Variants in NRDE2 observed in about 807,000 individuals in gnomAD.
NRDE2 encodes NRDE-2, necessary for RNA interference, domain containing, also known as nuclear exosome regulator NRDE2.
A neutral mutation model predicts 124.2 loss-of-function variants in NRDE2; 76 were observed. The ratio of observed to expected loss-of-function variants is 0.61; its 90% CI spans 0.51 to 0.74. The LOEUF (loss-of-function observed/expected upper bound fraction) is 0.74. Ranked by LOEUF, NRDE2 falls within the 30% of genes least tolerant of loss-of-function variation. NRDE2 has a pLI of 0.00. For synonymous variants in NRDE2, 489 were observed against 528.1 expected (o/e 0.93, Z 1.01); for missense variants, 1,314 against 1,417.3 (o/e 0.93, Z 1.17).
rs142250129 is a variant in NRDE2 at position 90,288,671 on chromosome 14, G to A, written c.2704C>T (p.Arg902Cys). ...AAGCATTTAGCCAGGCTAATTAGGC[G>A]GCTACAGGAATCGGTGGGAGCTGGA... ...SNPAPTDSCS[R>C]LISLAKCFML... is the part of the protein sequence containing the mutation. Residue 902 changes from arginine (R) to cysteine (C), a missense_variant, in exon 11 of 14, where the codon CGC (arginine) becomes TGC (cysteine). Arg to Cys is a radical substitution (Grantham distance 180, BLOSUM62 -3). Transcript: ENST00000354366. The A allele has an allele frequency of 2.3e-3, 3,724 of 1,614,142 alleles. 19 individuals are homozygous for A. The highest frequency in any genetic ancestry group is 0.013 in the Middle Eastern group (81 of 6,062).
In NRDE2 at chr14:90,288,123, T is replaced by A. The variant is rs529218410; in HGVS notation, c.3158+94A>T. The A allele has an allele frequency of 1.2e-5, 14 of 1,175,614 alleles. No individual in the cohort carries two copies. In the East Asian group the frequency reaches 3.1e-4, roughly 26 times the overall value. The allele number at this position is 1,175,614 out of a possible 1,614,324, so 72.8% of individuals were successfully genotyped here. ...TGTTCTGGGCACCGTGCCATGTTCA[T>A]CCCTGTCTTCCTGAGACCCAGCAAG... On this transcript the variant is annotated intron_variant, in intron 11 of 13. Transcript: ENST00000354366.
chr14:90,325,221 C>T (rs375527201), intron 1 of NRDE2, among the ~76,000 whole-genome samples: 1 of 152,066 alleles, frequency 6.6e-6, no homozygotes, highest in East Asian at 1.9e-4. Context: ...GTTTCTTCCC[C>T]AAATATGGAT....
intron 12 of NRDE2, among the ~76,000 whole-genome samples, chr14:90,284,616 C>T (rs1336572300): frequency 6.6e-6 from 1 of 151,802 alleles, no homozygotes; most frequent in African/African-American, 2.4e-5. Context: ...TGATCCGGCT[C>T]CCTCAGCCTC....
intron 4 of NRDE2, among the ~76,000 whole-genome samples, chr14:90,305,030 G>C (rs1376748410): frequency 5.9e-5 from 9 of 152,122 alleles, no homozygotes; most frequent in Admixed American, 5.2e-4. Flanking sequence ...TATTTGCACA[G>C]GCAAAAGCTA....
At position 90,289,095 on chromosome 14, in the gene NRDE2, C is replaced by G. The variant is rs572265038; in HGVS notation, c.2280G>C (p.Gly760=). ...TCTTGGCTAGTTTTTTGCAGTTCTTCCCTTGAGACTTTAATCTCTTCTTGT... is the reference window on the plus strand; with the variant it reads ...TCTTGGCTAGTTTTTTGCAGTTCTTGCCTTGAGACTTTAATCTCTTCTTGT... ...TKNKKRLKSQ[G]KNCKKLAKNL... The change falls in exon 11 of 14, where the codon GGG becomes GGC. Residue 760 remains glycine, a synonymous_variant. Coordinates refer to ENST00000354366, the MANE Select transcript of NRDE2 (RefSeq NM_017970.4). 3 of 1,613,520 alleles carry G rather than the reference C, an allele frequency of 1.9e-6. No individual in the cohort carries two copies. Among genetic ancestry groups the G allele is most frequent in the Non-Finnish European group, 2.5e-6 (3 of 1,179,730 alleles).
intron 4 of NRDE2, among the ~76,000 whole-genome samples, chr14:90,305,166 ACAACT>A (rs1376045393): frequency 2.0e-5 from 3 of 152,174 alleles, no homozygotes; most frequent in African/African-American, 4.8e-5. Context: ...AAAAAAAAAA[ACAACT>A]CAACATCCTT....
In NRDE2 at chr14:90,270,284, C is replaced by T. The variant is rs1009225987; in HGVS notation, c.*8052G>A. 1.9e-6 allele frequency: 3 copies of T among 1,613,700 alleles called. No individual in the cohort carries two copies. ...TCAGATTCACACAAGCAGGATGACG[C>T]TGGCTGATGATGTAACCCTGGACGA... On this transcript the variant is annotated 3_prime_UTR_variant, in exon 14 of 14. Transcript: ENST00000354366.
At chr14:90,292,331 G>A (rs1406731550) in intron 9 of NRDE2, among the ~76,000 whole-genome samples, 8 of 152,180 alleles carry the variant, frequency 5.3e-5, no homozygotes, top group Admixed American at 5.2e-4. Flanking sequence ...CTAGGACAGT[G>A]ATTCCGAGTT....
intron 1 of NRDE2, among the ~76,000 whole-genome samples, chr14:90,328,908 G>C (rs1744169044): frequency 6.6e-6 from 1 of 152,236 alleles, no homozygotes; most frequent in Non-Finnish European, 1.5e-5. Flanking sequence ...AATGTTGGCT[G>C]TATTTTGGAA....
chr14:90,311,831 G>A (rs772599848), intron 4 of NRDE2, among the ~76,000 whole-genome samples: 7 of 152,046 alleles, frequency 4.6e-5, no homozygotes, highest in African/African-American at 1.2e-4. Flanking sequence ...AATTTGGGTT[G>A]GACAAGTTTG....
chr14:90,313,191 A>C (rs1884913415), intron 3 of NRDE2, among the ~76,000 whole-genome samples: 1 of 133,342 alleles, frequency 7.5e-6, no homozygotes, highest in Non-Finnish European at 1.5e-5. Flanking sequence ...CAGTGGCGCC[A>C]TCTCCGCTCA....
At chr14:90,309,018 G>A (rs1163774395) in intron 4 of NRDE2, among the ~76,000 whole-genome samples, 3 of 151,984 alleles carry the variant, frequency 2.0e-5, no homozygotes, top group Non-Finnish European at 4.4e-5. Flanking sequence ...TGGGATGGGC[G>A]GATCATGAGG....
intron 7 of NRDE2, among the ~76,000 whole-genome samples, chr14:90,299,570 A>G (rs570118008): frequency 6.6e-6 from 1 of 152,356 alleles, no homozygotes; most frequent in Admixed American, 6.5e-5. Context: ...CCTTTTGAAG[A>G]GGACAAGCAG....
rs751282430 is a variant in NRDE2, at chr14:90,278,289, G to C, written c.*47C>G. 6.2e-7 allele frequency: 1 copy of C among 1,612,406 alleles called. No individual in the cohort carries two copies. The highest frequency in any genetic ancestry group is 1.7e-5 in the Admixed American group (1 of 60,006). ...CTGCTCGCGCCTCCTAGCTCCGCAG[G>C]GTGGGCAACTTGGCCTCGCAGGCAC... On this transcript the variant is annotated 3_prime_UTR_variant, in exon 14 of 14. Transcript: ENST00000354366.
rs772609621 is a variant in NRDE2, at chr14:90,290,541, C to G, written c.1909G>C (p.Val637Leu). ...CCCAAGAACTGCAGGAAGGCCTCCA[C>G]CAGCTGGAACTGAAGATCATGGCTG... Reference protein sequence around the residue: ...LSSHDLQFQLVEAFLQFLGVP... With the variant: ...LSSHDLQFQLLEAFLQFLGVP... The change falls in exon 10 of 14, where the codon GTG becomes CTG. Residue 637 changes from valine to leucine, a missense_variant. Transcript: ENST00000354366. 2.5e-6 allele frequency: 4 copies of G among 1,613,690 alleles called. No homozygotes were observed. The East Asian group carries it at 8.9e-5, about 36-fold the overall frequency.
At chr14:90,289,194 G>T in intron 10 of NRDE2, 49 bp from the exon 11 acceptor site, 1 of 1,448,362 alleles carries the variant, frequency 6.9e-7, no homozygotes, top group Admixed American at 2.0e-5. Flanking sequence ...TAATTAAGGC[G>T]TCCTCTGCTG....
chr14:90,289,237 C>T (rs1348856993), intron 10 of NRDE2, 92 bp from the exon 11 acceptor site: 17 of 1,002,586 alleles, frequency 1.7e-5, no homozygotes, highest in Middle Eastern at 2.2e-4. Context: ...GGAAAAAAGG[C>T]GTCTACGCTT....
Position 90,269,353 on chromosome 14 carries a change from C to G in NRDE2, c.*8983G>C, listed in dbSNP as rs768599422. On this transcript the variant is annotated 3_prime_UTR_variant, in exon 14 of 14. Coordinates refer to ENST00000354366, the MANE Select transcript of NRDE2 (RefSeq NM_017970.4). ...TTTGCTGTAATTCCCCTTGAGCAGG[C>G]GATCAGTTGAGTCTTCATTCCTTCC... is the stretch of plus-strand genomic sequence containing the variant. 6.5e-7 allele frequency: 1 copy of G among 1,530,590 alleles called. No individual in the cohort carries two copies. Among genetic ancestry groups the G allele is most frequent in the South Asian group, 1.2e-5 (1 of 84,102 alleles). 94.8% of individuals were successfully genotyped at this position (1,530,590 alleles called of 1,614,324 possible).
intron 1 of NRDE2, among the ~76,000 whole-genome samples, chr14:90,328,068 G>A (rs113402891): frequency 0.036 from 5,447 of 151,374 alleles, 190 homozygotes; most frequent in African/African-American, 0.092. Context: ...GCGTGAACCC[G>A]GGAGGCGGAG....
Sources: gnomAD v4.1 joint callset for allele counts (sites outside exome capture counted in the v4.1 genomes callset) on GRCh38, gnomAD v4.1.1 for gene constraint, MANE v1.5 for transcripts, NCBI Gene and HGNC (gene_info 2026-07-23, HGNC 2026-07-21) for gene names.